Variants in PRMT5 observed in about 807,000 individuals in gnomAD.
PRMT5 encodes the protein protein arginine methyltransferase 5.
A neutral mutation model predicts 84.0 loss-of-function variants in PRMT5; 15 were observed. That is an observed-to-expected ratio of 0.18 (90% CI 0.12 to 0.28). The LOEUF is 0.28. PRMT5 is among the 10% of genes least tolerant of loss of function. PRMT5 has a pLI of 1.00. For synonymous variants in PRMT5, 276 were observed against 292.4 expected (o/e 0.94, Z 0.57); for missense variants, 486 against 808.0 (o/e 0.60, Z 4.83).
rs2044349772 is a variant in PRMT5, at chr14:22,923,494, A to ATT, written c.1376-335_1376-334insAA. The ATT allele has an allele frequency of 2.0e-5, 3 of 148,264 alleles. No homozygotes were observed. The highest frequency in any genetic ancestry group is 2.9e-5 in the Non-Finnish European group (2 of 67,900). The allele number at this position is 148,264 out of a possible 1,614,324, so 9.2% of individuals were successfully genotyped here. A position where few individuals can be genotyped will look rare whatever the true frequency, so the allele number is the denominator to read the frequency against. On this transcript the variant is annotated intron_variant, in intron 12 of 16. Transcript: ENST00000324366. The surrounding 1 kb of genome is among the most constrained non-coding windows in gnomAD (Gnocchi z 5.2). ...AAGCTAAGCTCAGGGTACATATGTC[A>ATT]TATTTATTTATTTATTTATTTATTT...
intron 15 of PRMT5, 77 bp from the exon 16 acceptor site, chr14:22,922,317 C>G (rs2044318301): frequency 2.3e-6 from 3 of 1,330,096 alleles, no homozygotes; most frequent in Admixed American, 1.9e-5. Context: ...GGTCTCTTCT[C>G]TAATCACACA....
At chr14:22,922,102 G>C in intron 16 of PRMT5, 74 bp downstream of exon 16, 1 of 1,287,238 alleles carries the variant, frequency 7.8e-7, no homozygotes, top group Non-Finnish European at 1.1e-6. Context: ...CTATCTTCCT[G>C]GGAGAAGGAA....
At position 22,928,248 on chromosome 14, in the gene PRMT5, A is replaced by G. The variant is rs775682253; in HGVS notation, c.230-37T>C. 2 of 1,596,208 alleles carry G rather than the reference A, an allele frequency of 1.3e-6. No homozygotes were observed. Among genetic ancestry groups the G allele is most frequent in the Admixed American group, 3.4e-5 (2 of 59,482 alleles). ...CACCCAAGAAAGACAAATACTGAAT[A>G]AGGTTCAGCACTTTACTTGTTCAAT... On this transcript the variant is annotated intron_variant, in intron 2 of 16. Transcript: ENST00000324366. This position sits in a 1 kb window ranked among gnomAD's most constrained non-coding sequence, Gnocchi z 4.8.
intron 7 of PRMT5, among the ~76,000 whole-genome samples, 167 bp downstream of exon 7, chr14:22,925,966 G>A (rs1330065461): frequency 1.3e-5 from 2 of 152,138 alleles, no homozygotes; most frequent in Non-Finnish European, 2.9e-5. Context: ...GGTTTCTAGG[G>A]CTACTACTGG....
At chr14:22,922,321 T>TCC in intron 15 of PRMT5, 81 bp from the exon 16 acceptor site, 1 of 1,106,296 alleles carries the variant, frequency 9.0e-7, no homozygotes, top group Non-Finnish European at 1.3e-6. Context: ...TCTTCTCTAA[T>TCC]CACACAAAGA....
rs1470199539 is a variant in PRMT5 at position 22,923,906 on chromosome 14, G to A, written c.1375+102C>T. ...GCAGTGGCTCTCAAACTCATATGAT[G>A]TGACCCAGGTCCAACCCACTTTCCC... On this transcript the variant is annotated intron_variant, in intron 12 of 16. Transcript: ENST00000324366. The surrounding 1 kb of genome is among the most constrained non-coding windows in gnomAD (Gnocchi z 5.2). The A allele has an allele frequency of 1.8e-5, 24 of 1,317,830 alleles. No homozygotes were observed. Among genetic ancestry groups the A allele is most frequent in the Non-Finnish European group, 2.1e-6 (2 of 969,594 alleles). The allele number at this position is 1,317,830 out of a possible 1,614,324, so 81.6% of individuals were successfully genotyped here.
intron 16 of PRMT5, among the ~76,000 whole-genome samples, chr14:22,921,700 C>G (rs888405867): frequency 2.0e-5 from 3 of 151,870 alleles, no homozygotes; most frequent in African/African-American, 7.3e-5. Flanking sequence ...CTGGCTAACA[C>G]GGTAAAACCC....
Position 22,920,935 on chromosome 14 carries a change from G to A in PRMT5, c.1883C>T (p.Pro628Leu), listed in dbSNP as rs565682196. The change falls in exon 17 of 17, where the codon CCC (proline) becomes CTC (leucine). Residue 628 changes from proline to leucine, a missense_variant. Around this residue, in one of 4 missense-constraint regions of PRMT5, gnomAD observed 219 missense variants for 433.6 expected, o/e 0.51. Transcript: ENST00000324366. ...TAPVCSAIHN[P>L]TGRSYTIGL Reference sequence around the variant, plus strand: ...GCCAATGGTATATGAGCGGCCTGTGGGGTTATGAATAGCAGAACAGACTGG... The same window carrying A: ...GCCAATGGTATATGAGCGGCCTGTGAGGTTATGAATAGCAGAACAGACTGG... The A allele has an allele frequency of 2.5e-6, 4 of 1,614,080 alleles. No homozygotes were observed. Among genetic ancestry groups the A allele is most frequent in the Non-Finnish European group, 3.4e-6 (4 of 1,180,050 alleles).
intron 7 of PRMT5, 107 bp downstream of exon 7, chr14:22,926,026 C>G (rs181919180): frequency 1.3e-5 from 16 of 1,261,472 alleles, no homozygotes; most frequent in Non-Finnish European, 1.7e-5. Context: ...AATTGCTCCC[C>G]AGAAACCAAA....
chr14:22,921,115 A>G, intron 16 of PRMT5, 59 bp from the exon 17 acceptor site: 1 of 1,590,618 alleles, frequency 6.3e-7, no homozygotes, highest in Non-Finnish European at 8.6e-7. Flanking sequence ...ATGGCAATGT[A>G]TTAAGGTAGG....
chr14:22,926,237 G>T lies in PRMT5; in HGVS notation c.673C>A (p.Pro225Thr). 1 of 1,613,806 alleles carries T rather than the reference G, an allele frequency of 6.2e-7. No homozygotes were observed. The highest frequency in any genetic ancestry group is 1.3e-5 in the African/African-American group (1 of 74,990). Residue 225 changes from proline (P) to threonine (T), a missense_variant, in exon 7 of 17, where the codon CCC (proline) becomes ACC (threonine). Around this residue, in one of 4 missense-constraint regions of PRMT5, gnomAD observed 215 missense variants for 301.1 expected, o/e 0.71. Coordinates refer to ENST00000324366, the MANE Select transcript of PRMT5 (RefSeq NM_006109.5). ...NHVIDRWLGE[P>T]IKAAILPTSI... Reference sequence around the variant, plus strand: ...GTGGGGAGAATGGCTGCTTTGATGGGCTCCCCAAGCCAGCGATCAATGACA... The same window carrying T: ...GTGGGGAGAATGGCTGCTTTGATGGTCTCCCCAAGCCAGCGATCAATGACA...
At chr14:22,922,267 A>C (rs778798674) in intron 15 of PRMT5, 27 bp from the exon 16 acceptor site, 62 of 1,558,764 alleles carry the variant, frequency 4.0e-5, no homozygotes, top group Non-Finnish European at 5.0e-5. Context: ...ATGAAAAAAC[A>C]GAGGTCTCCA....
chr14:22,925,437 G>A lies in PRMT5; in HGVS notation c.778-397C>T, dbSNP rs149173301. ...CTCCCAAAGTCCTGGGATTACAGGC[G>A]CGAGCCACTGCACCTGGCCCAGACC... On this transcript the variant is annotated intron_variant, in intron 7 of 16. Coordinates refer to ENST00000324366, the MANE Select transcript of PRMT5 (RefSeq NM_006109.5). Among the ~76,000 whole-genome samples the A allele has an allele frequency of 9.2e-3, 1,393 of 151,948 alleles. 11 individuals carry two copies. Among genetic ancestry groups the A allele is most frequent in the Non-Finnish European group, 0.013 (892 of 67,920 alleles).
chr14:22,927,557 T>C lies in PRMT5; in HGVS notation c.419A>G (p.Asn140Ser), dbSNP rs1284224827. 4 of 1,613,976 alleles carry C rather than the reference T, an allele frequency of 2.5e-6. No homozygotes were observed. Among genetic ancestry groups the C allele is most frequent in the African/African-American group, 1.3e-5 (1 of 74,966 alleles). ...AGAGTGATGGCCAGTGTGGATGTGGTTGGTCAAAACTCTGGCCAGGTTGGT... is the reference window on the plus strand; with the variant it reads ...AGAGTGATGGCCAGTGTGGATGTGGCTGGTCAAAACTCTGGCCAGGTTGGT... ...DNTNLARVLT[N>S]HIHTGHHSSM... The change falls in exon 4 of 17, where the codon AAC becomes AGC. Residue 140 changes from asparagine to serine, a missense_variant. Asn to Ser is a conservative substitution (Grantham distance 46). Coordinates refer to ENST00000324366, the MANE Select transcript of PRMT5 (RefSeq NM_006109.5).
intron 1 of PRMT5, 69 bp downstream of exon 1, chr14:22,929,183 T>C (rs1428766653): frequency 6.2e-7 from 1 of 1,614,080 alleles, no homozygotes; most frequent in Non-Finnish European, 8.5e-7. Context: ...TTCTCCGGGA[T>C]GACTAGTCTG....
At chr14:22,927,017 A>G (rs1198393047) in intron 4 of PRMT5, 1 of 577,782 alleles carries the variant, frequency 1.7e-6, no homozygotes, top group African/African-American at 1.9e-5. Context: ...TTTCCAAAAT[A>G]ATTACATTTA....
At position 22,924,237 on chromosome 14, in the gene PRMT5, GACT is replaced by G; in HGVS notation, c.1199+30_1199+32del. The stretch of plus-strand genomic sequence containing the variant: ...GATGTTAAGGAAATTTGGCAATGAG[GACT>G]AACTTCCCAGCAAGCAGGTTGCTAC... On this transcript the variant is annotated intron_variant, in intron 11 of 16. Transcript: ENST00000324366. The surrounding 1 kb of genome is among the most constrained non-coding windows in gnomAD (Gnocchi z 6.5). 1 of 1,613,072 alleles carries G rather than the reference GACT, an allele frequency of 6.2e-7. No individual in the cohort carries two copies. Among genetic ancestry groups the G allele is most frequent in the Non-Finnish European group, 8.5e-7 (1 of 1,179,258 alleles).
Position 22,926,211 on chromosome 14 carries a change from A to C in PRMT5, c.699T>G (p.Thr233=). 1.9e-6 allele frequency: 3 copies of C among 1,613,354 alleles called. No homozygotes were observed. Among genetic ancestry groups the C allele is most frequent in the Non-Finnish European group, 2.5e-6 (3 of 1,179,330 alleles). Residue 233 remains threonine, a synonymous_variant, in exon 7 of 17, where the codon ACT becomes ACG. Transcript: ENST00000324366. ...GEPIKAAILP[T]SIFLTNKKGF... ...CCTTCTTATTGGTCAGGAAAATGCT[A>C]GTGGGGAGAATGGCTGCTTTGATGG...
At chr14:22,921,703 T>C (rs1401711533) in intron 16 of PRMT5, among the ~76,000 whole-genome samples, 2 of 151,704 alleles carry the variant, frequency 1.3e-5, no homozygotes, top group Admixed American at 1.3e-4. Flanking sequence ...GCTAACACGG[T>C]AAAACCCCGT....
Sources: allele counts gnomAD v4.1 joint callset (sites outside exome capture counted in the v4.1 genomes callset), GRCh38; gene constraint gnomAD v4.1.1; regional missense constraint gnomAD v4.1.1; non-coding constraint Gnocchi (gnomAD v3.1); transcripts MANE v1.5; gene names NCBI Gene and HGNC (gene_info 2026-07-23, HGNC 2026-07-21).